The following PHF14 variants were observed in gnomAD, a reference collection of about 807,000 sequenced individuals.
PHF14 encodes PHD finger protein 14.
Under a neutral mutation model 117.9 loss-of-function variants are expected in PHF14, and 55 were observed. That is an observed-to-expected ratio of 0.47 (90% CI 0.38 to 0.58). The LOEUF (loss-of-function observed/expected upper bound fraction) is 0.58. Among genes scored for constraint, PHF14 ranks in the 20% least tolerant of loss-of-function variants. The probability of loss-of-function intolerance (pLI) is 0.00; values close to 1 mark genes in which losing one functional copy is unlikely to be tolerated. For missense variants in PHF14, 978 were observed against 1,122.2 expected (o/e 0.87, Z 1.84); for synonymous variants, 409 against 368.6 (o/e 1.11, Z -1.26).
intron 16 of PHF14, among the ~76,000 whole-genome samples, chr7:11,069,339 G>GA (rs1785529786): frequency 6.6e-6 from 1 of 152,092 alleles, no homozygotes. Flanking sequence ...GGGAGATGGG[G>GA]AAGGGGTAGG....
At chr7:11,098,390 G>A (rs916392738) in intron 16 of PHF14, among the ~76,000 whole-genome samples, 2 of 152,094 alleles carry the variant, frequency 1.3e-5, no homozygotes, top group Non-Finnish European at 1.5e-5. Context: ...CTTCTTTGCT[G>A]TTTTCTCTTG....
intron 12 of PHF14, among the ~76,000 whole-genome samples, chr7:11,041,710 G>A (rs922862462): frequency 2.6e-5 from 4 of 151,654 alleles, no homozygotes; most frequent in Non-Finnish European, 4.4e-5. Flanking sequence ...TTTCAAACAC[G>A]GTTGGTTCAT....
intron 16 of PHF14, among the ~76,000 whole-genome samples, chr7:11,092,563 C>A (rs947222168): frequency 1.3e-5 from 2 of 150,738 alleles, no homozygotes; most frequent in Non-Finnish European, 3.0e-5. Flanking sequence ...AGATTCCAAT[C>A]AGTAGGTGAA....
intron 16 of PHF14, among the ~76,000 whole-genome samples, chr7:11,067,926 A>G (rs1785477356): frequency 1.3e-5 from 2 of 152,296 alleles, no homozygotes; most frequent in South Asian, 4.1e-4. Context: ...TGAAGGATTC[A>G]TCTTCATGAC....
intron 16 of PHF14, among the ~76,000 whole-genome samples, chr7:11,083,464 A>ATTTTTTTTT (rs776573456): frequency 8.9e-6 from 1 of 112,310 alleles, no homozygotes; most frequent in African/African-American, 3.5e-5. Flanking sequence ...TGCTTTCCCT[A>ATTTTTTTTT]TTTTTTTTTT....
chr7:11,168,420 A>G (rs1351391462), intron 17 of PHF14, among the ~76,000 whole-genome samples: 2 of 152,228 alleles, frequency 1.3e-5, no homozygotes, highest in Non-Finnish European at 2.9e-5. Context: ...ACAAATATGC[A>G]TACCTTGGTT....
At chr7:11,070,809 A>T (rs1385379095) in intron 16 of PHF14, among the ~76,000 whole-genome samples, 1 of 152,220 alleles carries the variant, frequency 6.6e-6, no homozygotes, top group Non-Finnish European at 1.5e-5. Context: ...TCAGGCTGTT[A>T]ATTCAGAATA....
intron 16 of PHF14, among the ~76,000 whole-genome samples, chr7:11,093,137 T>C (rs1218692037): frequency 6.6e-6 from 1 of 152,246 alleles, no homozygotes; most frequent in Admixed American, 6.5e-5. Flanking sequence ...AAGTGTATTT[T>C]ATTTCCAAAT....
chr7:11,094,995 G>T (rs751027957), intron 16 of PHF14, among the ~76,000 whole-genome samples: 1 of 151,804 alleles, frequency 6.6e-6, no homozygotes, highest in Non-Finnish European at 1.5e-5. Flanking sequence ...TTCCATTCTA[G>T]CCAGAGGCAG....
intron 13 of PHF14, among the ~76,000 whole-genome samples, chr7:11,044,008 A>G (rs1784582508): frequency 6.6e-6 from 1 of 152,134 alleles, no homozygotes; most frequent in African/African-American, 2.4e-5. Context: ...ACACACACAA[A>G]AAAAGGGAAA....
At chr7:11,114,204 TCC>T (rs1362584955) in intron 17 of PHF14, among the ~76,000 whole-genome samples, 1 of 152,152 alleles carries the variant, frequency 6.6e-6, no homozygotes, top group African/African-American at 2.4e-5. Flanking sequence ...AAATTTTGAC[TCC>T]CTATTTGTTT....
chr7:11,152,611 C>T (rs1323280172), intron 17 of PHF14, among the ~76,000 whole-genome samples: 7 of 151,902 alleles, frequency 4.6e-5, no homozygotes, highest in Non-Finnish European at 7.4e-5. Flanking sequence ...TGAAAGGCTA[C>T]AATATGATAG....
chr7:11,079,795 T>A (rs968337008), intron 16 of PHF14, among the ~76,000 whole-genome samples: 1 of 152,172 alleles, frequency 6.6e-6, no homozygotes, highest in African/African-American at 2.4e-5. Context: ...ATTTTGTTTG[T>A]TCTTTACAGT....
chr7:11,098,235 C>G (rs192389271), intron 16 of PHF14, among the ~76,000 whole-genome samples: 122 of 152,286 alleles, frequency 8.0e-4, no homozygotes, highest in African/African-American at 2.9e-3. Flanking sequence ...AATTTGAAAG[C>G]TGAAAATATC....
At chr7:11,103,640 G>A (rs1787165441) in intron 16 of PHF14, 2 of 985,128 alleles carry the variant, frequency 2.0e-6, no homozygotes, top group Non-Finnish European at 1.2e-6. Flanking sequence ...ATTAATAAAT[G>A]TGGTTTTGGA....
At chr7:11,045,172 C>T (rs1184313180) in intron 13 of PHF14, among the ~76,000 whole-genome samples, 2 of 152,140 alleles carry the variant, frequency 1.3e-5, no homozygotes, top group Non-Finnish European at 2.9e-5. Flanking sequence ...GGCTTTCCCC[C>T]AGAGGGTCAA....
intron 16 of PHF14, chr7:11,063,801 G>T: frequency 3.9e-6 from 2 of 517,508 alleles, no homozygotes; most frequent in Non-Finnish European, 5.0e-6. Context: ...TTCTAATTTT[G>T]ATAAGATTTT....
At chr7:11,073,215 G>T (rs570213069) in intron 16 of PHF14, among the ~76,000 whole-genome samples, 2 of 152,214 alleles carry the variant, frequency 1.3e-5, no homozygotes, top group South Asian at 2.1e-4. Context: ...TCTTACTGGG[G>T]ACTCAAGGCA....
At chr7:11,069,667 G>C in intron 16 of PHF14, among the ~76,000 whole-genome samples, 1 of 93,524 alleles carries the variant, frequency 1.1e-5, no homozygotes, top group Non-Finnish European at 1.9e-5. Flanking sequence ...CTCCCTTTCC[G>C]TCCCCTCCCT....
Sources: allele counts gnomAD v4.1 joint callset (sites outside exome capture counted in the v4.1 genomes callset), GRCh38; gene constraint gnomAD v4.1.1; transcripts MANE v1.5; gene names NCBI Gene and HGNC (gene_info 2026-07-23, HGNC 2026-07-21).